EXPH5: variants seen among roughly 807,000 people sequenced by gnomAD.
EXPH5 encodes the protein exophilin 5.
A neutral mutation model predicts 41.1 loss-of-function variants in EXPH5; 42 were observed. The ratio of observed to expected loss-of-function variants is 1.02; its 90% CI spans 0.80 to 1.32. The LOEUF (loss-of-function observed/expected upper bound fraction) is 1.32, where lower values mean the gene tolerates loss of function less well. Among genes scored for constraint, EXPH5 ranks in the 40% most tolerant of loss-of-function variants. The probability of loss-of-function intolerance (pLI) is 0.00; values close to 1 mark genes in which losing one functional copy is unlikely to be tolerated. For synonymous variants in EXPH5, 798 were observed against 833.5 expected (o/e 0.96, Z 0.73); for missense variants, 2,298 against 2,314.5 (o/e 0.99, Z 0.15).
chr11:108,543,877 G>T (rs17108165), intron 1 of EXPH5, among the ~76,000 whole-genome samples: 1,685 of 152,236 alleles, frequency 0.011, 16 homozygotes, highest in Non-Finnish European at 0.018. Flanking sequence ...TCCTGTCTTT[G>T]TTGCTACTTC....
chr11:108,517,527 G>A lies in EXPH5; in HGVS notation c.631+708C>T, dbSNP rs954881623. ...TTCAGAGTTAACTTTTCAAATGGCC[G>A]GGCTTATATAGAATAACCTTTGTAA... On this transcript the variant is annotated intron_variant, in intron 5 of 5. Coordinates refer to ENST00000265843, the MANE Select transcript of EXPH5 (RefSeq NM_015065.3). 3.9e-5 allele frequency among the ~76,000 whole-genome samples: 6 copies of A among 152,212 alleles called. No homozygotes were observed. The South Asian group carries it at 1.0e-3, about 26-fold the overall frequency.
rs1753089462 is a variant in EXPH5 at position 108,513,389 on chromosome 11, A to G, written c.2118T>C (p.Ser706=). ...EVNNEKDLNE[S]ISEEDKQLSK... ...TTAGCTGTTTGTCTTCTTCTGAAAT[A>G]GATTCATTTAAGTCTTTCTCATTAT... The change falls in exon 6 of 6, where the codon TCT becomes TCC. Residue 706 remains serine, a synonymous_variant. Transcript: ENST00000265843. 9.9e-6 allele frequency: 16 copies of G among 1,613,838 alleles called. No homozygotes were observed. The highest frequency in any genetic ancestry group is 1.1e-5 in the Non-Finnish European group (13 of 1,179,958).
upstream of EXPH5, among the ~76,000 whole-genome samples, chr11:108,594,684 C>T (rs1233515726): frequency 6.6e-6 from 1 of 152,160 alleles, no homozygotes; most frequent in African/African-American, 2.4e-5. Context: ...TTTCCTGCCC[C>T]ATAGCCTTAA....
At chr11:108,562,108 A>G (rs1404318724) in intron 1 of EXPH5, among the ~76,000 whole-genome samples, 1 of 152,178 alleles carries the variant, frequency 6.6e-6, no homozygotes. Flanking sequence ...AAACTGCTCT[A>G]TGTTCCTTGT....
intron 1 of EXPH5, among the ~76,000 whole-genome samples, chr11:108,551,692 C>T (rs1472607922): frequency 6.6e-6 from 1 of 152,124 alleles, no homozygotes; most frequent in Non-Finnish European, 1.5e-5. Context: ...GGACATCTTG[C>T]CAAATAGTCC....
chr11:108,591,121 A>C (rs148862818), intron 1 of EXPH5, among the ~76,000 whole-genome samples: 137 of 152,354 alleles, frequency 9.0e-4, no homozygotes, highest in African/African-American at 3.2e-3. Flanking sequence ...TTCTCAATAC[A>C]GTAAAAAGGC....
chr11:108,525,640 C>A (rs959895199), intron 4 of EXPH5, among the ~76,000 whole-genome samples: 1 of 152,052 alleles, frequency 6.6e-6, no homozygotes, highest in Non-Finnish European at 1.5e-5. Context: ...TACAACTTCC[C>A]ATGAAATAGT....
chr11:108,511,021 T>C lies in EXPH5; in HGVS notation c.4486A>G (p.Thr1496Ala), dbSNP rs2135906936. 1.9e-6 allele frequency: 3 copies of C among 1,614,178 alleles called. No homozygotes were observed. Among genetic ancestry groups the C allele is most frequent in the Non-Finnish European group, 2.5e-6 (3 of 1,180,034 alleles). ...GDIGTNCQKM[T>A]NKTLSHSESQ... Reference sequence around the variant, plus strand: ...TCTGAGTGAGAAAGTGTTTTATTAGTCATTTTTTGGCAGTTGGTTCCAATG... The same window carrying C: ...TCTGAGTGAGAAAGTGTTTTATTAGCCATTTTTTGGCAGTTGGTTCCAATG... Residue 1496 changes from threonine (T) to alanine (A), a missense_variant, in exon 6 of 6, where the codon ACT becomes GCT. Thr to Ala is a moderately conservative substitution (Grantham distance 58). Coordinates refer to ENST00000265843, the MANE Select transcript of EXPH5 (RefSeq NM_015065.3).
At chr11:108,552,868 A>C (rs1450938013) in intron 1 of EXPH5, among the ~76,000 whole-genome samples, 1 of 152,122 alleles carries the variant, frequency 6.6e-6, no homozygotes, top group Non-Finnish European at 1.5e-5. Context: ...GTGAGCTGAG[A>C]TCCTGCCACT....
chr11:108,554,878 C>T (rs1488473739), intron 1 of EXPH5, among the ~76,000 whole-genome samples: 7 of 152,148 alleles, frequency 4.6e-5, no homozygotes, highest in Admixed American at 6.5e-5. Flanking sequence ...GAGCCAAGAT[C>T]GTGCCACTGC....
In EXPH5 at chr11:108,513,043, A is replaced by G. The variant is rs767265615; in HGVS notation, c.2464T>C (p.Phe822Leu). Reference protein sequence around the residue: ...FIQEHRTPPSFPRTDQGCHQE... With the variant: ...FIQEHRTPPSLPRTDQGCHQE... ...TGACAACCTTGGTCTGTCCTGGGGA[A>G]AGATGGTGGTGTTCTGTGTTCCTGA... Residue 822 changes from phenylalanine to leucine, a missense_variant, in exon 6 of 6, where the codon TTC (phenylalanine) becomes CTC (leucine). By Grantham distance (22) the Phe-to-Leu change is conservative (BLOSUM62 0). Transcript: ENST00000265843. The G allele has an allele frequency of 1.2e-6, 2 of 1,613,542 alleles. No individual in the cohort carries two copies. The highest frequency in any genetic ancestry group is 1.1e-5 in the South Asian group (1 of 90,912).
chr11:108,593,349 C>A (rs2094132970), intron 1 of EXPH5, 69 bp downstream of exon 1: 1 of 1,418,144 alleles, frequency 7.1e-7, no homozygotes, highest in South Asian at 1.2e-5. Flanking sequence ...GAGCTCAGCG[C>A]CTTCCCCGCG....
intron 1 of EXPH5, among the ~76,000 whole-genome samples, chr11:108,544,528 G>A (rs966625091): frequency 3.9e-5 from 6 of 152,058 alleles, no homozygotes; most frequent in Admixed American, 2.0e-4. Flanking sequence ...TTCCTTCCAC[G>A]GTTGTGTACA....
intron 4 of EXPH5, 31 bp downstream of exon 4, chr11:108,528,105 T>G: frequency 6.7e-7 from 1 of 1,499,006 alleles, no homozygotes; most frequent in Non-Finnish European, 9.3e-7. Context: ...CTGAATTTCT[T>G]AGAGTAACCT....
intron 1 of EXPH5, among the ~76,000 whole-genome samples, chr11:108,593,124 G>C (rs537594324): frequency 1.8e-4 from 27 of 152,338 alleles, no homozygotes; most frequent in African/African-American, 6.3e-4. Context: ...ACCCGGCACA[G>C]CACAGCGTCA....
At position 108,511,410 on chromosome 11, in the gene EXPH5, A is replaced by C. The variant is rs866115440; in HGVS notation, c.4097T>G (p.Ile1366Ser). The change falls in exon 6 of 6, where the codon ATT (isoleucine) becomes AGT (serine). Residue 1366 changes from isoleucine to serine, a missense_variant. Physicochemically the swap from Ile to Ser is moderately radical, Grantham distance 142 (BLOSUM62 -2). Coordinates refer to ENST00000265843, the MANE Select transcript of EXPH5 (RefSeq NM_015065.3). ...LPEEESKARE[I>S]FSDNLAKTPL... ...TGTTTTAGCTAAATTATCTGAAAAA[A>C]TCTCTCTAGCTTTAGATTCCTCTTC... is the stretch of plus-strand genomic sequence containing the variant. The C allele has an allele frequency of 1.9e-6, 3 of 1,590,094 alleles. No individual in the cohort carries two copies. The Middle Eastern group carries it at 5.1e-4, about 269-fold the overall frequency.
chr11:108,568,622 T>A (rs2094045969), intron 1 of EXPH5, among the ~76,000 whole-genome samples: 1 of 152,194 alleles, frequency 6.6e-6, no homozygotes, highest in South Asian at 2.1e-4. Flanking sequence ...GAAGAGTTGA[T>A]GTCCTTTAGT....
intron 1 of EXPH5, among the ~76,000 whole-genome samples, chr11:108,576,680 A>C (rs1416092514): frequency 6.6e-6 from 1 of 152,234 alleles, no homozygotes; most frequent in African/African-American, 2.4e-5. Flanking sequence ...GTAATGATCA[A>C]ATATGAGTAA....
upstream of EXPH5, among the ~76,000 whole-genome samples, chr11:108,598,555 G>C (rs950277719): frequency 4.6e-5 from 7 of 152,224 alleles, no homozygotes; most frequent in African/African-American, 9.6e-5. Flanking sequence ...ATGGTGGAGA[G>C]TAAGTCTGAA....
Sources: gnomAD v4.1 joint callset for allele counts (sites outside exome capture counted in the v4.1 genomes callset) on GRCh38, gnomAD v4.1.1 for gene constraint, MANE v1.5 for transcripts, NCBI Gene and HGNC (gene_info 2026-07-23, HGNC 2026-07-21) for gene names.